KRTAP20-2: variants seen among roughly 807,000 people sequenced by gnomAD.
KRTAP20-2 encodes the protein keratin-associated protein 20-2.
In KRTAP20-2, 7 loss-of-function variants were observed where a neutral mutation model predicts 5.2. The observed-to-expected ratio is 1.36, with a 90% CI of 0.77 to 2.55. KRTAP20-2 has a LOEUF of 2.55. KRTAP20-2 is among the 30% of genes most tolerant of loss of function. The pLI is 0.00. For synonymous variants in KRTAP20-2, 32 were observed against 33.7 expected, an observed-to-expected ratio of 0.95 and a Z score of 0.17; for missense variants, 84 against 84.0, an observed-to-expected ratio of 1.00 and a Z score of 0.00.
chr21:30,635,206 A>G lies in KRTAP20-2; in HGVS notation c.-58A>G, dbSNP rs905018648. Reference sequence around the variant, plus strand: ...AAGGACTGCCTGGGCATATAGGGATATTCAAACTGAAGAAACTGATTCCTT... The same window carrying G: ...AAGGACTGCCTGGGCATATAGGGATGTTCAAACTGAAGAAACTGATTCCTT... On this transcript the variant is annotated 5_prime_UTR_variant, in exon 1 of 1. Transcript: ENST00000330798. 84 of 1,601,192 alleles carry G rather than the reference A, an allele frequency of 5.2e-5. No individual in the cohort carries two copies. In the Middle Eastern group the frequency reaches 2.5e-3, roughly 48 times the overall value.
Position 30,635,408 on chromosome 21 carries a change from GGCT to G in KRTAP20-2, c.151_153del (p.Cys51del). On this transcript the variant is annotated inframe_deletion, in exon 1 of 1. Transcript: ENST00000330798. ...CCGTGGCTATGGTGGCTATGGATATGGCTGCTGCCGCCCATCTTGCTATGGAAG... is the reference window on the plus strand; with the variant it reads ...CCGTGGCTATGGTGGCTATGGATATGGCTGCCGCCCATCTTGCTATGGAAG... 1 of 1,614,044 alleles carries G rather than the reference GGCT, an allele frequency of 6.2e-7. No homozygotes were observed. Among genetic ancestry groups the G allele is most frequent in the Admixed American group, 1.7e-5 (1 of 60,028 alleles).
In KRTAP20-2 at chr21:30,635,360, G is replaced by C; in HGVS notation, c.97G>C (p.Gly33Arg). The change falls in exon 1 of 1, where the codon GGA becomes CGA. Residue 33 changes from glycine (G) to arginine (R), a missense_variant. Coordinates refer to ENST00000330798, the MANE Select transcript of KRTAP20-2 (RefSeq NM_181616.3). ...GCGCGYGHGY[G>R]GLGCGYGRGY... is the part of the protein sequence containing the mutation. ...TGGCTGTGGTTATGGCCATGGCTAT[G>C]GAGGCCTGGGCTGTGGCTATGGCCG... 5.0e-6 allele frequency: 8 copies of C among 1,608,056 alleles called. No individual in the cohort carries two copies. The highest frequency in any genetic ancestry group is 6.8e-6 in the Non-Finnish European group (8 of 1,174,448).
At position 30,635,415 on chromosome 21, in the gene KRTAP20-2, G is replaced by A; in HGVS notation, c.152G>A (p.Cys51Tyr). 3.1e-6 allele frequency: 5 copies of A among 1,614,082 alleles called. No homozygotes were observed. The South Asian group carries it at 3.3e-5, about 11-fold the overall frequency. Residue 51 changes from cysteine (C) to tyrosine (Y), a missense_variant, in exon 1 of 1, where the codon TGC (cysteine) becomes TAC (tyrosine). Cys to Tyr is a radical substitution (Grantham distance 194, BLOSUM62 -2). Coordinates refer to ENST00000330798, the MANE Select transcript of KRTAP20-2 (RefSeq NM_181616.3). The stretch of plus-strand genomic sequence containing the variant: ...TATGGTGGCTATGGATATGGCTGCT[G>A]CCGCCCATCTTGCTATGGAAGATAC... ...RGYGGYGYGC[C>Y]RPSCYGRYWS...
rs750311238 is a variant in KRTAP20-2, at chr21:30,635,230, T to C, written c.-34T>C. On this transcript the variant is annotated 5_prime_UTR_variant, in exon 1 of 1. Coordinates refer to ENST00000330798, the MANE Select transcript of KRTAP20-2 (RefSeq NM_181616.3). ...TATTCAAACTGAAGAAACTGATTCC[T>C]TGCTCCTCAACCAAATCCTCCACTC... The C allele has an allele frequency of 7.4e-6, 12 of 1,611,234 alleles. No individual in the cohort carries two copies. The South Asian group carries it at 1.3e-4, about 18-fold the overall frequency.
rs8131539 is a variant in KRTAP20-2, at chr21:30,635,301, A to G, written c.38A>G (p.Tyr13Cys). 1 of 1,614,096 alleles carries G rather than the reference A, an allele frequency of 6.2e-7. No individual in the cohort carries two copies. Among genetic ancestry groups the G allele is most frequent in the Non-Finnish European group, 8.5e-7 (1 of 1,179,958 alleles). The stretch of plus-strand genomic sequence containing the variant: ...AGCAACTACTATGGTGGTCTGCGTT[A>G]TGGCTATGGAGTCCTGGGCGGTGGC... The part of the protein sequence containing the change: ...YYSNYYGGLR[Y>C]GYGVLGGGYG... Residue 13 changes from tyrosine (Y) to cysteine (C), a missense_variant, in exon 1 of 1, where the codon TAT becomes TGT. By Grantham distance (194) the Tyr-to-Cys change is radical. Coordinates refer to ENST00000330798, the MANE Select transcript of KRTAP20-2 (RefSeq NM_181616.3).
In KRTAP20-2 at chr21:30,635,328, A is replaced by G. The variant is rs761692576; in HGVS notation, c.65A>G (p.Tyr22Cys). Reference protein sequence around the residue: ...RYGYGVLGGGYGCGCGYGHGY... With the variant: ...RYGYGVLGGGCGCGCGYGHGY... ...GGCTATGGAGTCCTGGGCGGTGGCT[A>G]TGGCTGTGGCTGTGGTTATGGCCAT... Residue 22 changes from tyrosine to cysteine, a missense_variant, in exon 1 of 1, where the codon TAT becomes TGT. Coordinates refer to ENST00000330798, the MANE Select transcript of KRTAP20-2 (RefSeq NM_181616.3). The G allele has an allele frequency of 2.5e-6, 4 of 1,613,266 alleles. No homozygotes were observed. Among genetic ancestry groups the G allele is most frequent in the Middle Eastern group, 1.7e-4 (1 of 6,058 alleles).
In KRTAP20-2 at chr21:30,635,341, T is replaced by C; in HGVS notation, c.78T>C (p.Cys26=). 6.2e-7 allele frequency: 1 copy of C among 1,610,806 alleles called. No homozygotes were observed. Residue 26 remains cysteine, a synonymous_variant, in exon 1 of 1, where the codon TGT becomes TGC. Coordinates refer to ENST00000330798, the MANE Select transcript of KRTAP20-2 (RefSeq NM_181616.3). ...GVLGGGYGCG[C]GYGHGYGGLG... Reference sequence around the variant, plus strand: ...TGGGCGGTGGCTATGGCTGTGGCTGTGGTTATGGCCATGGCTATGGAGGCC... The same window carrying C: ...TGGGCGGTGGCTATGGCTGTGGCTGCGGTTATGGCCATGGCTATGGAGGCC...
chr21:30,635,540 A>T lies in KRTAP20-2; in HGVS notation c.*79A>T, dbSNP rs1000305313. 1 of 1,381,508 alleles carries T rather than the reference A, an allele frequency of 7.2e-7. No homozygotes were observed. The highest frequency in any genetic ancestry group is 1.0e-6 in the Non-Finnish European group (1 of 987,384). 85.6% of individuals were successfully genotyped at this position (1,381,508 alleles called of 1,614,324 possible). A position where few individuals can be genotyped will look rare whatever the true frequency, so the allele number is the denominator to read the frequency against. On this transcript the variant is annotated 3_prime_UTR_variant, in exon 1 of 1. Coordinates refer to ENST00000330798, the MANE Select transcript of KRTAP20-2 (RefSeq NM_181616.3). Reference sequence around the variant, plus strand: ...TGCCTTCATAATTCTTCATATGAGTAATTCATTTTTCTGTTGTAAAATGTC... The same window carrying T: ...TGCCTTCATAATTCTTCATATGAGTTATTCATTTTTCTGTTGTAAAATGTC...
Position 30,635,252 on chromosome 21 carries a change from A to C in KRTAP20-2, c.-12A>C, listed in dbSNP as rs1372345836. The stretch of plus-strand genomic sequence containing the variant: ...TCCTTGCTCCTCAACCAAATCCTCC[A>C]CTCTTGAAACCATGTGCTACTACAG... On this transcript the variant is annotated 5_prime_UTR_variant, in exon 1 of 1. Coordinates refer to ENST00000330798, the MANE Select transcript of KRTAP20-2 (RefSeq NM_181616.3). 6.2e-7 allele frequency: 1 copy of C among 1,613,410 alleles called. No individual in the cohort carries two copies. Among genetic ancestry groups the C allele is most frequent in the East Asian group, 2.2e-5 (1 of 44,844 alleles).
chr21:30,635,331 G>C lies in KRTAP20-2; in HGVS notation c.68G>C (p.Gly23Ala). 1.2e-6 allele frequency: 2 copies of C among 1,612,802 alleles called. No individual in the cohort carries two copies. The highest frequency in any genetic ancestry group is 1.7e-6 in the Non-Finnish European group (2 of 1,178,810). Residue 23 changes from glycine (G) to alanine (A), a missense_variant, in exon 1 of 1, where the codon GGC becomes GCC. By Grantham distance (60) the Gly-to-Ala change is moderately conservative. Coordinates refer to ENST00000330798, the MANE Select transcript of KRTAP20-2 (RefSeq NM_181616.3). ...TATGGAGTCCTGGGCGGTGGCTATG[G>C]CTGTGGCTGTGGTTATGGCCATGGC... ...YGYGVLGGGY[G>A]CGCGYGHGYG...
At position 30,635,485 on chromosome 21, in the gene KRTAP20-2, G is replaced by T; in HGVS notation, c.*24G>T. On this transcript the variant is annotated 3_prime_UTR_variant, in exon 1 of 1. Coordinates refer to ENST00000330798, the MANE Select transcript of KRTAP20-2 (RefSeq NM_181616.3). ...GAGAAATATCTGGCAACTCAACCTC[G>T]TGGTCTCTTCCACATGGACTTCCTA... The T allele has an allele frequency of 6.2e-7, 1 of 1,612,578 alleles. No homozygotes were observed. Among genetic ancestry groups the T allele is most frequent in the Non-Finnish European group, 8.5e-7 (1 of 1,178,712 alleles).
rs181994143 is a variant in KRTAP20-2 at position 30,635,542 on chromosome 21, T to A, written c.*81T>A. ...CCTTCATAATTCTTCATATGAGTAA[T>A]TCATTTTTCTGTTGTAAAATGTCAA... On this transcript the variant is annotated 3_prime_UTR_variant, in exon 1 of 1. Coordinates refer to ENST00000330798, the MANE Select transcript of KRTAP20-2 (RefSeq NM_181616.3). 22 of 1,365,618 alleles carry A rather than the reference T, an allele frequency of 1.6e-5. No individual in the cohort carries two copies. In the African/African-American group the frequency reaches 2.4e-4, roughly 15 times the overall value. The allele number at this position is 1,365,618 out of a possible 1,614,324, so 84.6% of individuals were successfully genotyped here.
chr21:30,635,413 C>A, the KRTAP20-2 span: 4 of 1,613,896 alleles, frequency 2.5e-6, no homozygotes, highest in Non-Finnish European at 3.4e-6. Flanking sequence ...GATATGGCTG[C>A]TGCCGCCCAT....
At chr21:30,635,329 T>A in the KRTAP20-2 span, 90 of 1,612,800 alleles carry the variant, frequency 5.6e-5, no homozygotes, top group African/African-American at 1.1e-3. Flanking sequence ...GCGGTGGCTA[T>A]GGCTGTGGCT....
the KRTAP20-2 span, chr21:30,635,263 CA>C: frequency 1.2e-6 from 2 of 1,613,956 alleles, no homozygotes; most frequent in Non-Finnish European, 1.7e-6. Flanking sequence ...CTCTTGAAAC[CA>C]TGTGCTACTA....
Position 30,635,528 on chromosome 21 carries a change from C to T in KRTAP20-2, c.*67C>T. ...ACTTCCTAAATTTGCCTTCATAATT[C>T]TTCATATGAGTAATTCATTTTTCTG... On this transcript the variant is annotated 3_prime_UTR_variant, in exon 1 of 1. Transcript: ENST00000330798. 3.4e-6 allele frequency: 5 copies of T among 1,458,506 alleles called. No individual in the cohort carries two copies. In the South Asian group the frequency reaches 4.7e-5, roughly 14 times the overall value. The allele number at this position is 1,458,506 out of a possible 1,614,324, so 90.3% of individuals were successfully genotyped here. A position where few individuals can be genotyped will look rare whatever the true frequency, so the allele number is the denominator to read the frequency against.
chr21:30,635,243 A>T lies in KRTAP20-2; in HGVS notation c.-21A>T, dbSNP rs1459623484. ...GAAACTGATTCCTTGCTCCTCAACC[A>T]AATCCTCCACTCTTGAAACCATGTG... On this transcript the variant is annotated 5_prime_UTR_variant, in exon 1 of 1. Coordinates refer to ENST00000330798, the MANE Select transcript of KRTAP20-2 (RefSeq NM_181616.3). 1.9e-6 allele frequency: 3 copies of T among 1,612,918 alleles called. No individual in the cohort carries two copies. Among genetic ancestry groups the T allele is most frequent in the Non-Finnish European group, 2.5e-6 (3 of 1,179,158 alleles).
rs761874989 is a variant in KRTAP20-2 at position 30,635,423 on chromosome 21, T to A, written c.160T>A (p.Ser54Thr). ...CTATGGATATGGCTGCTGCCGCCCA[T>A]CTTGCTATGGAAGATACTGGTCCTG... ...GGYGYGCCRP[S>T]CYGRYWSCGF... Residue 54 changes from serine to threonine, a missense_variant, in exon 1 of 1, where the codon TCT becomes ACT. Transcript: ENST00000330798. 1 of 1,614,158 alleles carries A rather than the reference T, an allele frequency of 6.2e-7. No homozygotes were observed. Among genetic ancestry groups the A allele is most frequent in the Non-Finnish European group, 8.5e-7 (1 of 1,179,970 alleles).
chr21:30,635,279 A>G lies in KRTAP20-2; in HGVS notation c.16A>G (p.Asn6Asp), dbSNP rs1336577807. 1 of 1,614,140 alleles carries G rather than the reference A, an allele frequency of 6.2e-7. No individual in the cohort carries two copies. Among genetic ancestry groups the G allele is most frequent in the Non-Finnish European group, 8.5e-7 (1 of 1,179,980 alleles). Residue 6 changes from asparagine to aspartate, a missense_variant, in exon 1 of 1, where the codon AAC becomes GAC. Asn to Asp is a conservative substitution (Grantham distance 23). Coordinates refer to ENST00000330798, the MANE Select transcript of KRTAP20-2 (RefSeq NM_181616.3). ...TCTTGAAACCATGTGCTACTACAGC[A>G]ACTACTATGGTGGTCTGCGTTATGG... MCYYS[N>D]YYGGLRYGYG...
Sources: gnomAD v4.1 joint callset for allele counts on GRCh38, gnomAD v4.1.1 for gene constraint, MANE v1.5 for transcripts, NCBI Gene and HGNC (gene_info 2026-07-23, HGNC 2026-07-21) for gene names.